The following XYLT1 variants were observed in gnomAD, a reference collection of about 807,000 sequenced individuals.
XYLT1 encodes the protein beta-D-xylosyltransferase 1.
XYLT1 carries 36 observed loss-of-function variants against 91.3 expected under a neutral mutation model. The observed-to-expected ratio is 0.39, with a 90% confidence interval of 0.30 to 0.52. The LOEUF is 0.52. Among genes scored for constraint, XYLT1 ranks in the 20% least tolerant of loss-of-function variants. XYLT1 has a pLI of 0.68. For synonymous variants in XYLT1, 588 were observed against 532.0 expected (o/e 1.11, Z -1.45); for missense variants, 1,242 against 1,284.5 (o/e 0.97, Z 0.51).
chr16:17,287,717 T>G (rs1223232098), intron 2 of XYLT1, among the ~76,000 whole-genome samples: 1 of 152,078 alleles, frequency 6.6e-6, no homozygotes, highest in African/African-American at 2.4e-5. Context: ...AAATCTCTGC[T>G]GAATGTCCCT....
At chr16:17,420,209 T>A (rs960714122) in intron 1 of XYLT1, among the ~76,000 whole-genome samples, 9 of 152,316 alleles carry the variant, frequency 5.9e-5, no homozygotes, top group African/African-American at 1.4e-4. Context: ...GCCCAAACCC[T>A]AGGTAATGCT....
intron 2 of XYLT1, among the ~76,000 whole-genome samples, chr16:17,347,085 G>A (rs936341097): frequency 2.0e-5 from 3 of 152,198 alleles, no homozygotes; most frequent in South Asian, 2.1e-4. Flanking sequence ...GCAGCTACGC[G>A]CTGGCCCTCC....
intron 1 of XYLT1, among the ~76,000 whole-genome samples, chr16:17,403,933 G>C (rs2035997512): frequency 1.3e-5 from 2 of 152,234 alleles, no homozygotes; most frequent in South Asian, 4.1e-4. Context: ...GGAGCCAGAG[G>C]TCAGGCCAGG....
At chr16:17,128,465 T>TAAAC (rs2030341391) in intron 9 of XYLT1, among the ~76,000 whole-genome samples, 1 of 152,254 alleles carries the variant, frequency 6.6e-6, no homozygotes, top group African/African-American at 2.4e-5. Flanking sequence ...TTTGCTTCTC[T>TAAAC]AAACAATGCT....
In XYLT1 at chr16:17,421,531, GCCA is replaced by G. The variant is rs2036251669; in HGVS notation, c.363+48900_363+48902del. ...CCACCTTCCTGCCTGCTGGAGGCCA[GCCA>G]CCACATCAGAAGTGACACTACCCTG... On this transcript the variant is annotated intron_variant, in intron 1 of 11. Coordinates refer to ENST00000261381, the MANE Select transcript of XYLT1 (RefSeq NM_022166.4). 1.3e-5 allele frequency among the ~76,000 whole-genome samples: 2 copies of G among 152,286 alleles called. 1 individual carries two copies. The highest frequency in any genetic ancestry group is 3.9e-4 in the East Asian group (2 of 5,170).
At chr16:17,146,688 A>G (rs2031141370) in intron 6 of XYLT1, among the ~76,000 whole-genome samples, 1 of 152,150 alleles carries the variant, frequency 6.6e-6, no homozygotes, top group African/African-American at 2.4e-5. Context: ...AGTCACAATA[A>G]TCCTGGGTTA....
chr16:17,182,945 T>G (rs1472723854), intron 5 of XYLT1, among the ~76,000 whole-genome samples: 1 of 152,130 alleles, frequency 6.6e-6, no homozygotes, highest in African/African-American at 2.4e-5. Context: ...GATATTCCAT[T>G]AGAGAAAGAA....
chr16:17,185,405 C>A (rs1418445242), intron 5 of XYLT1, among the ~76,000 whole-genome samples: 1 of 152,178 alleles, frequency 6.6e-6, no homozygotes, highest in Non-Finnish European at 1.5e-5. Context: ...TGGATGGTTT[C>A]GAACCCAGGA....
At chr16:17,386,987 A>G (rs968178658) in intron 1 of XYLT1, among the ~76,000 whole-genome samples, 1 of 152,184 alleles carries the variant, frequency 6.6e-6, no homozygotes, top group African/African-American at 2.4e-5. Context: ...TGTCTCAAAG[A>G]GGGCACAGAA....
chr16:17,423,165 T>G (rs1420516448), intron 1 of XYLT1, among the ~76,000 whole-genome samples: 2 of 149,052 alleles, frequency 1.3e-5, no homozygotes, highest in Non-Finnish European at 2.9e-5. Context: ...CAACTTTATC[T>G]GGTCCCTTCT....
intron 3 of XYLT1, among the ~76,000 whole-genome samples, chr16:17,219,106 A>T (rs1597200756): frequency 6.6e-6 from 1 of 151,932 alleles, no homozygotes. Flanking sequence ...ACATGGTAAA[A>T]CCCTGTATCT....
At chr16:17,410,300 G>A (rs2036091078) in intron 1 of XYLT1, among the ~76,000 whole-genome samples, 1 of 152,204 alleles carries the variant, frequency 6.6e-6, no homozygotes, top group Non-Finnish European at 1.5e-5. Context: ...TTTTCACGTT[G>A]CTGATAAAGA....
At chr16:17,294,734 G>A (rs2034284875) in intron 2 of XYLT1, among the ~76,000 whole-genome samples, 1 of 152,088 alleles carries the variant, frequency 6.6e-6, no homozygotes, top group Admixed American at 6.5e-5. Context: ...CTTAGCATCA[G>A]GAACAAAACT....
At chr16:17,361,562 A>G (rs1434256463) in intron 1 of XYLT1, among the ~76,000 whole-genome samples, 2 of 152,190 alleles carry the variant, frequency 1.3e-5, no homozygotes, top group Non-Finnish European at 2.9e-5. Flanking sequence ...TACAGCTAAC[A>G]GCGATCATTT....
At chr16:17,335,448 C>T (rs1228537761) in intron 2 of XYLT1, among the ~76,000 whole-genome samples, 2 of 151,944 alleles carry the variant, frequency 1.3e-5, no homozygotes, top group African/African-American at 4.8e-5. Flanking sequence ...CCCAGCACTT[C>T]GGGAGGCCAA....
chr16:17,332,422 C>T (rs573184738), intron 2 of XYLT1, among the ~76,000 whole-genome samples: 3 of 151,988 alleles, frequency 2.0e-5, no homozygotes, highest in Non-Finnish European at 2.9e-5. Context: ...ATTAGCCGGG[C>T]GTGGTGGTGT....
At chr16:17,157,799 A>C (rs2031446407) in intron 6 of XYLT1, among the ~76,000 whole-genome samples, 2 of 152,060 alleles carry the variant, frequency 1.3e-5, no homozygotes, top group African/African-American at 4.8e-5. Flanking sequence ...CCCAGGGTGG[A>C]GTGCAGTGGT....
At chr16:17,409,475 TG>T (rs1261064704) in intron 1 of XYLT1, among the ~76,000 whole-genome samples, 9 of 151,790 alleles carry the variant, frequency 5.9e-5, no homozygotes, top group Admixed American at 2.6e-4. Context: ...GGAGAAAAGA[TG>T]GGGGTGGCCA....
In XYLT1 at chr16:17,357,997, A is replaced by G. The variant is rs937484990; in HGVS notation, c.402+15T>C. Reference sequence around the variant, plus strand: ...TAAGGCTGAGATAAGTGGCCAAGACAGGAAAGATACTTACCTGAGTCTCCA... The same window carrying G: ...TAAGGCTGAGATAAGTGGCCAAGACGGGAAAGATACTTACCTGAGTCTCCA... On this transcript the variant is annotated intron_variant, in intron 2 of 11. Transcript: ENST00000261381. 3 of 1,613,302 alleles carry G rather than the reference A, an allele frequency of 1.9e-6. No homozygotes were observed. The highest frequency in any genetic ancestry group is 1.7e-5 in the Admixed American group (1 of 59,910).
Sources: allele counts gnomAD v4.1 joint callset (sites outside exome capture counted in the v4.1 genomes callset), GRCh38; gene constraint gnomAD v4.1.1; transcripts MANE v1.5; gene names NCBI Gene and HGNC (gene_info 2026-07-23, HGNC 2026-07-21).